The following SPOPL variants were observed in gnomAD, a reference collection of about 807,000 sequenced individuals.
The protein encoded by SPOPL is speckle type BTB/POZ protein like.
SPOPL carries 23 observed loss-of-function variants against 53.8 expected under a neutral mutation model. The observed-to-expected ratio is 0.43, with a 90% confidence interval of 0.31 to 0.61. The LOEUF (loss-of-function observed/expected upper bound fraction) is 0.61, where lower values mean the gene tolerates loss of function less well. SPOPL is among the 20% of genes least tolerant of loss of function. The pLI is 0.12. For missense variants in SPOPL, 442 were observed against 466.9 expected (o/e 0.95, Z 0.49); for synonymous variants, 164 against 149.7 (o/e 1.10, Z -0.70).
chr2:138,513,812 T>C (rs1684381087), intron 1 of SPOPL, among the ~76,000 whole-genome samples: 1 of 152,028 alleles, frequency 6.6e-6, no homozygotes, highest in Non-Finnish European at 1.5e-5. Context: ...ATAAACAAAT[T>C]TTTAATGTAA....
intron 1 of SPOPL, among the ~76,000 whole-genome samples, chr2:138,520,742 A>G (rs932655347): frequency 1.3e-5 from 2 of 152,216 alleles, no homozygotes; most frequent in African/African-American, 4.8e-5. Context: ...AGGCTGTGCA[A>G]CTTTCCGTTG....
At chr2:138,550,691 ATGAG>A in intron 3 of SPOPL, 87 bp downstream of exon 3, 2 of 1,504,452 alleles carry the variant, frequency 1.3e-6, no homozygotes, top group African/African-American at 1.4e-5. Flanking sequence ...TTTTTCCTGA[ATGAG>A]TATTAATGTA....
chr2:138,518,695 C>T (rs1573872454), intron 1 of SPOPL, among the ~76,000 whole-genome samples: 2 of 152,294 alleles, frequency 1.3e-5, no homozygotes, highest in East Asian at 3.9e-4. Flanking sequence ...TTTCCAACTG[C>T]ACATCCACAT....
chr2:138,543,962 T>C (rs1462468808), intron 1 of SPOPL, among the ~76,000 whole-genome samples: 1 of 152,224 alleles, frequency 6.6e-6, no homozygotes, highest in Non-Finnish European at 1.5e-5. Flanking sequence ...GTCAGGACCC[T>C]CAGCTGCAGG....
chr2:138,529,543 C>T (rs536404700), intron 1 of SPOPL, among the ~76,000 whole-genome samples: 1,644 of 141,238 alleles, frequency 0.012, 36 homozygotes, highest in African/African-American at 0.04. Context: ...TGTTTGCGTG[C>T]GCGCGCGCTT....
At chr2:138,508,037 T>C (rs1684251688) in intron 1 of SPOPL, among the ~76,000 whole-genome samples, 1 of 152,202 alleles carries the variant, frequency 6.6e-6, no homozygotes, top group Non-Finnish European at 1.5e-5. Flanking sequence ...TTGGTGAAGA[T>C]GTAGTACTAA....
At chr2:138,535,082 C>G (rs1684898282) in intron 1 of SPOPL, among the ~76,000 whole-genome samples, 1 of 152,022 alleles carries the variant, frequency 6.6e-6, no homozygotes, top group South Asian at 2.1e-4. Flanking sequence ...GATCTTGTGT[C>G]TATAAGAAAT....
chr2:138,518,048 A>C (rs1429969125), intron 1 of SPOPL, among the ~76,000 whole-genome samples: 3 of 126,140 alleles, frequency 2.4e-5, no homozygotes, highest in African/African-American at 8.7e-5. Flanking sequence ...AACTGTCTCA[A>C]AAAAAAAAAA....
In SPOPL at chr2:138,547,871, A is replaced by AT. The variant is rs1050148646; in HGVS notation, c.-60-2278dup. 4.6e-5 allele frequency among the ~76,000 whole-genome samples: 7 copies of AT among 151,968 alleles called. No individual in the cohort carries two copies. The South Asian group carries it at 6.2e-4, about 14-fold the overall frequency. On this transcript the variant is annotated intron_variant, in intron 1 of 10. Transcript: ENST00000280098. ...AATGTCTTGTTAGGCATACTGTTTG[A>AT]TTTTTTTTAGATATATAACATATCC...
chr2:138,503,961 T>A (rs1684160922), intron 1 of SPOPL, among the ~76,000 whole-genome samples: 1 of 152,228 alleles, frequency 6.6e-6, no homozygotes, highest in African/African-American at 2.4e-5. Context: ...GCTTGGTGTT[T>A]ACAGAATTTT....
At chr2:138,548,055 T>A (rs558942638) in intron 1 of SPOPL, among the ~76,000 whole-genome samples, 1 of 152,212 alleles carries the variant, frequency 6.6e-6, no homozygotes, top group East Asian at 1.9e-4. Context: ...TCTGACAAAA[T>A]TTCTTTTGAT....
At chr2:138,502,304 G>C (rs960396597) in intron 1 of SPOPL, among the ~76,000 whole-genome samples, 185 bp downstream of exon 1, 20 of 152,296 alleles carry the variant, frequency 1.3e-4, no homozygotes, top group Admixed American at 3.3e-4. Flanking sequence ...CCACGCCCCC[G>C]GACCGCCCTT....
intron 1 of SPOPL, among the ~76,000 whole-genome samples, chr2:138,549,368 T>C (rs1685265319): frequency 6.6e-6 from 1 of 152,154 alleles, no homozygotes; most frequent in African/African-American, 2.4e-5. Context: ...AGTATATATA[T>C]TGTCATGTAA....
At chr2:138,544,682 C>T (rs191778274) in intron 1 of SPOPL, among the ~76,000 whole-genome samples, 1 of 152,228 alleles carries the variant, frequency 6.6e-6, no homozygotes, top group East Asian at 1.9e-4. Context: ...TTGTGCTTCC[C>T]GGGTGAGGTG....
intron 1 of SPOPL, among the ~76,000 whole-genome samples, chr2:138,535,759 C>T (rs1296796522): frequency 6.6e-6 from 1 of 151,936 alleles, no homozygotes; most frequent in East Asian, 1.9e-4. Flanking sequence ...TTCTGATACT[C>T]CCATTATATA....
At chr2:138,513,946 T>C (rs1440935712) in intron 1 of SPOPL, among the ~76,000 whole-genome samples, 3 of 152,206 alleles carry the variant, frequency 2.0e-5, no homozygotes, top group Non-Finnish European at 4.4e-5. Flanking sequence ...GGCTCATTTA[T>C]TTGTTAAACT....
chr2:138,558,561 A>G (rs1685476361), intron 5 of SPOPL, among the ~76,000 whole-genome samples: 1 of 152,146 alleles, frequency 6.6e-6, no homozygotes, highest in Admixed American at 6.5e-5. Context: ...CTGTAATTTT[A>G]TCACTTTTTA....
chr2:138,564,384 T>C (rs950020683), intron 8 of SPOPL: 2 of 245,754 alleles, frequency 8.1e-6, no homozygotes, highest in Non-Finnish European at 1.6e-5. Flanking sequence ...GCAGTATACT[T>C]GGTGGTACAC....
chr2:138,540,372 C>A (rs976875600), intron 1 of SPOPL, among the ~76,000 whole-genome samples: 1 of 152,142 alleles, frequency 6.6e-6, no homozygotes, highest in East Asian at 1.9e-4. Context: ...TTCTTCCTAC[C>A]CATGAGCATG....
Sources: gnomAD v4.1 joint callset for allele counts (sites outside exome capture counted in the v4.1 genomes callset) on GRCh38, gnomAD v4.1.1 for gene constraint, MANE v1.5 for transcripts, NCBI Gene and HGNC (gene_info 2026-07-23, HGNC 2026-07-21) for gene names.